The following LDB3 variants were observed in gnomAD, a reference collection of about 807,000 sequenced individuals.
LDB3 encodes the protein LIM domain binding 3.
A neutral mutation model predicts 69.0 loss-of-function variants in LDB3; 49 were observed. That is an observed-to-expected ratio of 0.71 (90% CI 0.56 to 0.90). The LOEUF is 0.90. LDB3 is among the 40% of genes least tolerant of loss of function. The probability of loss-of-function intolerance (pLI) is 0.00; values close to 1 mark genes in which losing one functional copy is unlikely to be tolerated. For missense variants in LDB3, 928 were observed against 974.1 expected (o/e 0.95, Z 0.63); for synonymous variants, 387 against 396.2 (o/e 0.98, Z 0.28).
At chr10:86,715,897 G>C (rs1256648561) in intron 9 of LDB3, among the ~76,000 whole-genome samples, 1 of 152,192 alleles carries the variant, frequency 6.6e-6, no homozygotes, top group East Asian at 1.9e-4. Context: ...CTTATGCCAA[G>C]GGAGGTATTT....
chr10:86,728,595 T>TTTGTTTTTTTTTTTG (rs1443893891), intron 13 of LDB3, among the ~76,000 whole-genome samples: 3 of 149,808 alleles, frequency 2.0e-5, no homozygotes, highest in Non-Finnish European at 4.4e-5. Flanking sequence ...TGTTTTTTTT[T>TTTGTTTTTTTTTTTG]TTTTTTGAGA....
rs148058577 is a variant in LDB3 at position 86,721,512 on chromosome 10, G to A, written c.1978+2665G>A. ...AGCAGTTCCCAAACCTGGCATCATG[G>A]TCACCTAGGGAACTTAACAAACTAG... On this transcript the variant is annotated intron_variant, in intron 12 of 13. Coordinates refer to ENST00000361373, the MANE Select transcript of LDB3 (RefSeq NM_007078.3). Among the ~76,000 whole-genome samples, 131 of 152,316 alleles carry A rather than the reference G, an allele frequency of 8.6e-4. 2 individuals carry two copies. Among genetic ancestry groups the A allele is most frequent in the Non-Finnish European group, 1.6e-4 (11 of 68,036 alleles).
At chr10:86,710,202 G>A in intron 9 of LDB3, 152 bp downstream of exon 9, 1 of 1,519,884 alleles carries the variant, frequency 6.6e-7, no homozygotes, top group Non-Finnish European at 8.8e-7. Flanking sequence ...CCTAGCTGTG[G>A]GTCAGAATCC....
rs556215837 is a variant in LDB3, at chr10:86,689,030, T to C, written c.690-2866T>C. On this transcript the variant is annotated intron_variant, in intron 5 of 13. Coordinates refer to ENST00000361373, the MANE Select transcript of LDB3 (RefSeq NM_007078.3). ...TAACGCAGCCACGCTGAGCTGACCATGCTGTGGTGCCAGTGAGTAACCCTC... is the reference window on the plus strand; with the variant it reads ...TAACGCAGCCACGCTGAGCTGACCACGCTGTGGTGCCAGTGAGTAACCCTC... Among the ~76,000 whole-genome samples the C allele has an allele frequency of 2.3e-5, 3 of 129,600 alleles. No individual in the cohort carries two copies. The East Asian group carries it at 6.2e-4, about 27-fold the overall frequency. The allele number at this position is 129,600 out of a possible 152,430, so 85.0% of individuals were successfully genotyped here.
At chr10:86,705,898 C>A (rs1284552152) in intron 7 of LDB3, among the ~76,000 whole-genome samples, 3 of 152,186 alleles carry the variant, frequency 2.0e-5, no homozygotes, top group African/African-American at 7.2e-5. Context: ...TCAGGGTTGA[C>A]CTTGAAAAGG....
intron 7 of LDB3, among the ~76,000 whole-genome samples, chr10:86,695,813 A>G (rs1184838963): frequency 6.6e-6 from 1 of 152,210 alleles, no homozygotes. Flanking sequence ...GGTGGGGACA[A>G]GGCAGGGCTT....
intron 5 of LDB3, among the ~76,000 whole-genome samples, chr10:86,685,219 G>A (rs1191076960): frequency 1.3e-5 from 2 of 152,204 alleles, no homozygotes; most frequent in Non-Finnish European, 2.9e-5. Flanking sequence ...GAATTCCAGA[G>A]CTGCCCCCAC....
At chr10:86,729,686 C>G (rs992841455) in intron 13 of LDB3, among the ~76,000 whole-genome samples, 5 of 152,208 alleles carry the variant, frequency 3.3e-5, no homozygotes, top group Non-Finnish European at 7.3e-5. Flanking sequence ...CCACCTTGCA[C>G]CAAGAAGACA....
Position 86,681,622 on chromosome 10 carries a change from G to T in LDB3, c.508G>T (p.Ala170Ser), listed in dbSNP as rs752170606. 1.9e-6 allele frequency: 3 copies of T among 1,613,124 alleles called. No homozygotes were observed. ...DPGPPRASLR[A>S]KTSPEGARDL... is the part of the protein sequence containing the mutation. ...TGGCCCTCCGCGGGCCAGCCTGAGG[G>T]CCAAGACCAGCCCAGAGGGGGCCCG... The change falls in exon 5 of 14, where the codon GCC becomes TCC. Residue 170 changes from alanine to serine, a missense_variant. Physicochemically the swap from Ala to Ser is moderately conservative, Grantham distance 99. Coordinates refer to ENST00000361373, the MANE Select transcript of LDB3 (RefSeq NM_007078.3).
intron 5 of LDB3, among the ~76,000 whole-genome samples, chr10:86,685,150 G>C (rs968368992): frequency 2.0e-5 from 3 of 152,124 alleles, no homozygotes; most frequent in Admixed American, 6.5e-5. Flanking sequence ...GGTTTGGGGG[G>C]GCATAGGAAA....
intron 7 of LDB3, among the ~76,000 whole-genome samples, chr10:86,696,146 CT>C (rs1845985456): frequency 6.6e-6 from 1 of 152,206 alleles, no homozygotes; most frequent in African/African-American, 2.4e-5. Context: ...CTGGCTCCCC[CT>C]CTTCCCTCCT....
chr10:86,682,707 C>A (rs752846863), intron 5 of LDB3, among the ~76,000 whole-genome samples: 1 of 152,184 alleles, frequency 6.6e-6, no homozygotes, highest in East Asian at 1.9e-4. Flanking sequence ...TCACACTGTC[C>A]ATGTCTCAGG....
intron 3 of LDB3, among the ~76,000 whole-genome samples, chr10:86,679,822 C>T (rs1323436029): frequency 6.6e-6 from 1 of 152,108 alleles, no homozygotes; most frequent in Non-Finnish European, 1.5e-5. Context: ...GCCCAGGCAG[C>T]CCCCAGTGAC....
chr10:86,674,612 C>T (rs1162039911), intron 2 of LDB3, among the ~76,000 whole-genome samples: 1 of 152,110 alleles, frequency 6.6e-6, no homozygotes, highest in African/African-American at 2.4e-5. Context: ...TAGAGGGGCC[C>T]ATTGGCGGGA....
chr10:86,681,403 T>G, intron 4 of LDB3, 33 bp from the exon 5 acceptor site: 1 of 1,598,528 alleles, frequency 6.3e-7, no homozygotes, highest in Non-Finnish European at 8.5e-7. Flanking sequence ...ACCGCTCTCT[T>G]CTCTCTCCCC....
chr10:86,685,822 G>A (rs752569968), intron 5 of LDB3: 2 of 1,183,844 alleles, frequency 1.7e-6, no homozygotes, highest in Non-Finnish European at 2.5e-6. Context: ...ATATGTATGA[G>A]TGGGGTACAC....
intron 9 of LDB3, 32 bp from the exon 10 acceptor site, chr10:86,716,295 A>T: frequency 6.2e-7 from 1 of 1,610,238 alleles, no homozygotes; most frequent in Non-Finnish European, 8.5e-7. Context: ...TTCCTGACAC[A>T]CCTTTCTTTG....
intron 5 of LDB3, among the ~76,000 whole-genome samples, chr10:86,682,199 C>G (rs937120019): frequency 2.6e-5 from 4 of 152,176 alleles, no homozygotes; most frequent in African/African-American, 7.2e-5. Flanking sequence ...AGGTCCCCAC[C>G]CCTCTGGGAG....
At position 86,679,444 on chromosome 10, in the gene LDB3, A is replaced by T. The variant is rs754796151; in HGVS notation, c.171A>T (p.Thr57=). 2 of 1,614,010 alleles carry T rather than the reference A, an allele frequency of 1.2e-6. No individual in the cohort carries two copies. Among genetic ancestry groups the T allele is most frequent in the South Asian group, 2.2e-5 (2 of 91,078 alleles). The part of the protein sequence containing the change: ...DLVVAIDGVN[T]DTMTHLEAQN... Reference sequence around the variant, plus strand: ...TGGTGGCCATTGACGGCGTCAACACAGACACCATGACCCACCTGGAAGCCC... The same window carrying T: ...TGGTGGCCATTGACGGCGTCAACACTGACACCATGACCCACCTGGAAGCCC... Residue 57 remains threonine (T), a synonymous_variant, in exon 3 of 14, where the codon ACA becomes ACT. Coordinates refer to ENST00000361373, the MANE Select transcript of LDB3 (RefSeq NM_007078.3).
Sources: allele counts gnomAD v4.1 joint callset (sites outside exome capture counted in the v4.1 genomes callset), GRCh38; gene constraint gnomAD v4.1.1; transcripts MANE v1.5; gene names NCBI Gene and HGNC (gene_info 2026-07-23, HGNC 2026-07-21).